The following INTS1 variants were observed in gnomAD, a reference collection of about 807,000 sequenced individuals.
INTS1 encodes the protein integrator complex subunit 1.
A neutral mutation model predicts 241.6 loss-of-function variants in INTS1; 137 were observed. That is an observed-to-expected ratio of 0.57 (90% CI 0.49 to 0.65). The LOEUF is 0.65. Ranked by LOEUF, INTS1 falls within the 30% of genes least tolerant of loss-of-function variation. The probability of loss-of-function intolerance (pLI) is 0.00; values close to 1 mark genes in which losing one functional copy is unlikely to be tolerated. For synonymous variants in INTS1, 1,692 were observed against 1,337.8 expected, an observed-to-expected ratio of 1.26 and a Z score of -5.78; for missense variants, 3,073 against 3,032.2, an observed-to-expected ratio of 1.01 and a Z score of -0.32.
rs1326845245 is a variant in INTS1, at chr7:1,480,788, C to T, written c.3949+47G>A. ...GGCTGGGTCTCTGTGTTGGCCCCAC[C>T]CCTCCCCAGGCTGGGTCTCTGTGCT... On this transcript the variant is annotated intron_variant, in intron 29 of 47. Transcript: ENST00000404767. The T allele has an allele frequency of 2.7e-6, 4 of 1,459,926 alleles. No homozygotes were observed. The South Asian group carries it at 4.9e-5, about 18-fold the overall frequency. 90.4% of individuals were successfully genotyped at this position (1,459,926 alleles called of 1,614,324 possible).
chr7:1,486,876 G>C, intron 21 of INTS1, 46 bp downstream of exon 21: 1 of 1,590,234 alleles, frequency 6.3e-7, no homozygotes, highest in Non-Finnish European at 8.5e-7. Flanking sequence ...CCCTGACAGG[G>C]GTGCGGGGTG....
intron 39 of INTS1, 79 bp downstream of exon 39, chr7:1,475,869 A>G: frequency 6.7e-7 from 1 of 1,488,298 alleles, no homozygotes; most frequent in East Asian, 2.5e-5. Flanking sequence ...GGCCATGTAC[A>G]CTGTGGCCTC....
Position 1,504,369 on chromosome 7 carries a change from C to A in INTS1, c.-88G>T. On this transcript the variant is annotated 5_prime_UTR_variant, in exon 1 of 48. Transcript: ENST00000404767. ...GCGCCGCCGCCGCCACCCGGCCACC[C>A]CGGAATCGGAAACCGATCTCACCGC... is the stretch of plus-strand genomic sequence containing the variant. The A allele has an allele frequency of 2.0e-6, 1 of 490,650 alleles. No homozygotes were observed. The highest frequency in any genetic ancestry group is 6.2e-5 in the East Asian group (1 of 16,170). The allele number at this position is 490,650 out of a possible 1,614,324, so 30.4% of individuals were successfully genotyped here.
intron 13 of INTS1, 144 bp from the exon 14 acceptor site, chr7:1,495,037 A>G: frequency 1.1e-6 from 1 of 931,680 alleles, no homozygotes; most frequent in Non-Finnish European, 1.6e-6. Flanking sequence ...ACCTCCTCAC[A>G]GCACCACCAA....
rs762958295 is a variant in INTS1 at position 1,484,058 on chromosome 7, G to A, written c.3374C>T (p.Ser1125Leu). Residue 1125 changes from serine to leucine, a missense_variant, in exon 25 of 48, where the codon TCA (serine) becomes TTA (leucine). Transcript: ENST00000404767. ...CTGCCGCATGCGCCTCACGTAGCGT[G>A]AGAAGATGGACAACAGAGCGCTCAG... Reference protein sequence around the residue: ...AVLSALLSIFSRYVRRMRQSK... With the variant: ...AVLSALLSIFLRYVRRMRQSK... 19 of 1,612,350 alleles carry A rather than the reference G, an allele frequency of 1.2e-5. No homozygotes were observed. Among genetic ancestry groups the A allele is most frequent in the Non-Finnish European group, 1.6e-5 (19 of 1,179,736 alleles).
At chr7:1,475,110 G>A (rs923225337) in intron 39 of INTS1, among the ~76,000 whole-genome samples, 3 of 152,232 alleles carry the variant, frequency 2.0e-5, no homozygotes, top group African/African-American at 4.8e-5. Context: ...CCAAGCAGGC[G>A]CAGTGGCTCA....
intron 8 of INTS1, 32 bp downstream of exon 8, chr7:1,498,943 G>GGGGCCCCCCCCCCCC: frequency 1.9e-6 from 2 of 1,070,748 alleles, no homozygotes; most frequent in Non-Finnish European, 1.3e-6. Context: ...CCCACCCCCT[G>GGGGCCCCCCCCCCCC]CCCCGCCCAC....
At position 1,500,256 on chromosome 7, in the gene INTS1, C is replaced by T. The variant is rs1409913634; in HGVS notation, c.460G>A (p.Ala154Thr). The T allele has an allele frequency of 6.2e-6, 10 of 1,603,278 alleles. No individual in the cohort carries two copies. The highest frequency in any genetic ancestry group is 2.3e-5 in the East Asian group (1 of 44,384). The change falls in exon 4 of 48, where the codon GCC (alanine) becomes ACC (threonine). Residue 154 changes from alanine to threonine, a missense_variant. By Grantham distance (58) the Ala-to-Thr change is moderately conservative. Coordinates refer to ENST00000404767, the MANE Select transcript of INTS1 (RefSeq NM_001080453.3). ...AGGTAGAGGGTGCTGTCAGGCTTGGCGCGGGTGACCTTCAGCTGCTTCACG... is the reference window on the plus strand; with the variant it reads ...AGGTAGAGGGTGCTGTCAGGCTTGGTGCGGGTGACCTTCAGCTGCTTCACG... ...GAVKQLKVTR[A>T]KPDSTLYLSL...
chr7:1,474,111 T>C (rs1781598130), intron 41 of INTS1, 57 bp downstream of exon 41: 1 of 1,495,232 alleles, frequency 6.7e-7, no homozygotes, highest in South Asian at 1.3e-5. Context: ...GAGGCAGGCC[T>C]GGGCCAGAGC....
rs771385595 is a variant in INTS1, at chr7:1,476,367, C to A, written c.5240G>T (p.Ser1747Ile). ...ELILAEAETR[S>I]QDGDTAACSL... ...GCAGGCGGCTGTGTCCCCGTCCTGG[C>A]TCCGCGTCTCCGCCTCGGCCAGGAT... The change falls in exon 38 of 48, where the codon AGC (serine) becomes ATC (isoleucine). Residue 1747 changes from serine (S) to isoleucine (I), a missense_variant. Physicochemically the swap from Ser to Ile is moderately radical, Grantham distance 142. Coordinates refer to ENST00000404767, the MANE Select transcript of INTS1 (RefSeq NM_001080453.3). 6 of 1,574,672 alleles carry A rather than the reference C, an allele frequency of 3.8e-6. No homozygotes were observed. In the Admixed American group the frequency reaches 9.1e-5, roughly 24 times the overall value.
Position 1,490,442 on chromosome 7 carries a change from C to T in INTS1, c.2166-760G>A, listed in dbSNP as rs570552082. 5.3e-5 allele frequency among the ~76,000 whole-genome samples: 8 copies of T among 151,876 alleles called. No individual in the cohort carries two copies. The East Asian group carries it at 1.2e-3, about 22-fold the overall frequency. On this transcript the variant is annotated intron_variant, in intron 16 of 47. Coordinates refer to ENST00000404767, the MANE Select transcript of INTS1 (RefSeq NM_001080453.3). Reference sequence around the variant, plus strand: ...GGAACCCCTGAAAGGGTGTTGGCTCCGGATAAACGGACACCACTGAAAGGG... The same window carrying T: ...GGAACCCCTGAAAGGGTGTTGGCTCTGGATAAACGGACACCACTGAAAGGG...
chr7:1,474,585 C>T (rs1323889870), intron 40 of INTS1, 120 bp downstream of exon 40: 23 of 1,374,170 alleles, frequency 1.7e-5, no homozygotes, highest in Non-Finnish European at 2.2e-5. Flanking sequence ...AAGCTCAGCC[C>T]ATGGGAACAT....
At chr7:1,500,068 G>A (rs759563883) in intron 4 of INTS1, 47 bp from the exon 5 acceptor site, 5 of 1,603,946 alleles carry the variant, frequency 3.1e-6, no homozygotes, top group Non-Finnish European at 4.3e-6. Context: ...TGGCCCCAGA[G>A]GCAAAGCTGG....
At chr7:1,472,132 G>A (rs888680629) in intron 44 of INTS1, 141 bp downstream of exon 44, 9 of 666,628 alleles carry the variant, frequency 1.4e-5, no homozygotes, top group East Asian at 2.7e-5. Flanking sequence ...TCCCCACTGT[G>A]AGGAACAGCC....
At chr7:1,489,907 C>T (rs777939457) in intron 16 of INTS1, among the ~76,000 whole-genome samples, 2 of 152,152 alleles carry the variant, frequency 1.3e-5, no homozygotes, top group African/African-American at 2.4e-5. Flanking sequence ...CTCTGTTTCC[C>T]ATCTACAAAA....
Position 1,497,429 on chromosome 7 carries a change from C to G in INTS1, c.1426-115G>C. 1 of 1,132,914 alleles carries G rather than the reference C, an allele frequency of 8.8e-7. No individual in the cohort carries two copies. Among genetic ancestry groups the G allele is most frequent in the Non-Finnish European group, 1.2e-6 (1 of 819,626 alleles). 70.2% of individuals were successfully genotyped at this position (1,132,914 alleles called of 1,614,324 possible). ...CGAGGGCGCTGCAGTGGGTCTCAGA[C>G]AGTGTGGGGTGCGGGGTGGCGGGCT... On this transcript the variant is annotated intron_variant, in intron 10 of 47. Coordinates refer to ENST00000404767, the MANE Select transcript of INTS1 (RefSeq NM_001080453.3). The surrounding 1 kb of genome is among the most constrained non-coding windows in gnomAD (Gnocchi z 5.3).
chr7:1,485,778 ACAGT>A (rs374962493), intron 22 of INTS1, among the ~76,000 whole-genome samples: 9 of 152,266 alleles, frequency 5.9e-5, no homozygotes, highest in East Asian at 3.9e-4. Context: ...AACTTAAAAT[ACAGT>A]CAGAGTGCAC....
At chr7:1,486,277 T>A (rs902190092) in intron 22 of INTS1, among the ~76,000 whole-genome samples, 8 of 151,628 alleles carry the variant, frequency 5.3e-5, no homozygotes, top group African/African-American at 1.9e-4. Flanking sequence ...TTATTTTTTT[T>A]TTTTTGAGAT....
chr7:1,485,416 C>A lies in INTS1; in HGVS notation c.3030G>T (p.Glu1010Asp). The change falls in exon 23 of 48, where the codon GAG becomes GAT. Residue 1010 changes from glutamate to aspartate, a missense_variant. Coordinates refer to ENST00000404767, the MANE Select transcript of INTS1 (RefSeq NM_001080453.3). ...CCCCCACATCCTCCTCCATGGGGGG[C>A]TCCTTCTCCTCCCCGTCCCGCAGGC... ...EGSLRDGEEK[E>D]PPMEEDVGDT... 6.2e-7 allele frequency: 1 copy of A among 1,612,856 alleles called. No homozygotes were observed. Among genetic ancestry groups the A allele is most frequent in the East Asian group, 2.2e-5 (1 of 44,890 alleles).
Sources: gnomAD v4.1 joint callset for allele counts (sites outside exome capture counted in the v4.1 genomes callset) on GRCh38, gnomAD v4.1.1 for gene constraint, Gnocchi (gnomAD v3.1) non-coding constraint, MANE v1.5 for transcripts, NCBI Gene and HGNC (gene_info 2026-07-23, HGNC 2026-07-21) for gene names.